DMD: variants seen among roughly 807,000 people sequenced by gnomAD.
DMD encodes mutant dystrophin.
DMD carries 63 observed loss-of-function variants against 330.1 expected under a neutral mutation model. The observed-to-expected ratio is 0.19, with a 90% CI of 0.16 to 0.24. The LOEUF is 0.24. DMD is among the 10% of genes least tolerant of loss of function. The probability of loss-of-function intolerance (pLI) is 1.00; values close to 1 mark genes in which losing one functional copy is unlikely to be tolerated. For synonymous variants in DMD, 1,223 were observed against 959.8 expected (o/e 1.27, Z -5.07); for missense variants, 3,344 against 2,684.1 (o/e 1.25, Z -5.43).
At chrX:32,952,202 C>T (rs1438502428) in intron 2 of DMD, among the ~76,000 whole-genome samples, 2 of 109,351 alleles carry the variant, frequency 1.8e-5, no homozygotes, top group Non-Finnish European at 3.8e-5. Flanking sequence ...GGCACAATCG[C>T]GGTTCACTGC....
At chrX:32,137,676 A>G (rs1484175112) in intron 44 of DMD, among the ~76,000 whole-genome samples, 1 of 110,289 alleles carries the variant, frequency 9.1e-6, no homozygotes, top group African/African-American at 3.3e-5. Context: ...TTACATGGGT[A>G]TGTTGCATGA....
At chrX:31,702,772 G>A (rs1021335466) in intron 52 of DMD, among the ~76,000 whole-genome samples, 2 of 109,995 alleles carry the variant, frequency 1.8e-5, no homozygotes, top group Non-Finnish European at 3.8e-5. Context: ...TGATTCTAAC[G>A]TGCAGCCAGG....
intron 64 of DMD, among the ~76,000 whole-genome samples, chrX:31,222,417 A>AAC (rs2046196808): frequency 2.0e-5 from 2 of 101,475 alleles, no homozygotes; most frequent in South Asian, 4.4e-4. Flanking sequence ...AAAAAAAAAA[A>AAC]CAGAAAAAAA....
chrX:31,375,184 C>T lies in DMD; in HGVS notation c.9085-26550G>A, dbSNP rs889464641. 2.7e-5 allele frequency among the ~76,000 whole-genome samples: 3 copies of T among 112,146 alleles called. No homozygotes were observed. In the Admixed American group the frequency reaches 2.8e-4, roughly 11 times the overall value. On this transcript the variant is annotated intron_variant, in intron 60 of 78. Coordinates refer to ENST00000357033, the MANE Select transcript of DMD (RefSeq NM_004006.3). ...TTTCACAAAACATTTTTGCAACCTC[C>T]AGCATAAATGGGTTAAAGTCTTCAC...
At chrX:31,160,795 T>C (rs1308968785) in intron 74 of DMD, among the ~76,000 whole-genome samples, 1 of 111,790 alleles carries the variant, frequency 8.9e-6, no homozygotes, top group Non-Finnish European at 1.9e-5. Context: ...TGGAGAACTG[T>C]CACCCTATCT....
At chrX:31,868,051 A>G (rs371130774) in intron 48 of DMD, among the ~76,000 whole-genome samples, 10 of 111,621 alleles carry the variant, frequency 9.0e-5, no homozygotes, top group African/African-American at 3.3e-4. Flanking sequence ...AAGTACTACG[A>G]CAGGTACTCT....
intron 1 of DMD, among the ~76,000 whole-genome samples, chrX:33,165,925 C>A (rs1316860964): frequency 9.0e-6 from 1 of 111,341 alleles, no homozygotes. Flanking sequence ...TCTAGTGGAG[C>A]AGTAACTGAG....
chrX:31,238,102 C>T (rs2047913200), intron 63 of DMD, among the ~76,000 whole-genome samples: 1 of 111,880 alleles, frequency 8.9e-6, no homozygotes, highest in South Asian at 3.8e-4. Flanking sequence ...TTTGAAGATT[C>T]AATCCAAGAA....
intron 44 of DMD, among the ~76,000 whole-genome samples, chrX:32,009,970 A>G (rs1280498735): frequency 8.9e-6 from 1 of 111,884 alleles, no homozygotes; most frequent in African/African-American, 3.3e-5. Flanking sequence ...TGATTCCTTC[A>G]TGTACCAATT....
chrX:31,135,262 T>G (rs764013002), intron 76 of DMD, among the ~76,000 whole-genome samples: 64 of 111,929 alleles, frequency 5.7e-4, no homozygotes, highest in African/African-American at 2.0e-3. Context: ...AGAAGGGAGT[T>G]GAGACACTGA....
chrX:32,796,410 G>A (rs532005687), intron 7 of DMD, among the ~76,000 whole-genome samples: 10 of 111,626 alleles, frequency 9.0e-5, no homozygotes, highest in South Asian at 3.7e-4. Flanking sequence ...TGTAAAAAAA[G>A]TTGTTCTCAT....
intron 44 of DMD, among the ~76,000 whole-genome samples, chrX:31,970,132 G>A (rs2095385853): frequency 9.0e-6 from 1 of 111,698 alleles, no homozygotes; most frequent in African/African-American, 3.3e-5. Context: ...GTTTCCTATT[G>A]TTTAGTACAA....
Position 31,753,344 on chromosome X carries a change from A to G in DMD, c.7542+20616T>C, listed in dbSNP as rs374211479. 2.8e-4 allele frequency among the ~76,000 whole-genome samples: 31 copies of G among 112,339 alleles called. No individual in the cohort carries two copies. The South Asian group carries it at 0.011, about 41-fold the overall frequency. ...GAAATCATGAAATACAAACATGTAG[A>G]CAAACAAAGCAGGCAGAAGGAAGTA... On this transcript the variant is annotated intron_variant, in intron 51 of 78. Coordinates refer to ENST00000357033, the MANE Select transcript of DMD (RefSeq NM_004006.3).
At chrX:31,554,081 AT>A (rs751201808) in intron 55 of DMD, among the ~76,000 whole-genome samples, 21 of 112,309 alleles carry the variant, frequency 1.9e-4, no homozygotes, top group African/African-American at 6.5e-4. Context: ...GGGAGCAGAT[AT>A]TTTTTTCAGT....
intron 49 of DMD, among the ~76,000 whole-genome samples, chrX:31,831,872 T>C (rs4995434): frequency 3.6e-5 from 4 of 111,604 alleles, no homozygotes; most frequent in Non-Finnish European, 7.5e-5. Context: ...AAAGTGCTGG[T>C]ATTACAGGCG....
chrX:31,142,080 T>C (rs1327972418), intron 76 of DMD, among the ~76,000 whole-genome samples: 1 of 111,929 alleles, frequency 8.9e-6, no homozygotes, highest in South Asian at 3.8e-4. Context: ...GGAAAGTGCT[T>C]CAGATTAAAG....
chrX:31,892,185 ATT>A (rs1431952364), intron 47 of DMD, among the ~76,000 whole-genome samples: 2 of 112,442 alleles, frequency 1.8e-5, no homozygotes, highest in Admixed American at 9.4e-5. Context: ...ATATCTTTTA[ATT>A]TGCATTCCAA....
At chrX:33,023,752 A>G (rs1358963119) in intron 1 of DMD, among the ~76,000 whole-genome samples, 1 of 111,506 alleles carries the variant, frequency 9.0e-6, no homozygotes, top group Non-Finnish European at 1.9e-5. Context: ...CATGGGCTCC[A>G]TTTGATTATC....
At chrX:32,377,435 T>C (rs1201845322) in intron 34 of DMD, among the ~76,000 whole-genome samples, 1 of 111,867 alleles carries the variant, frequency 8.9e-6, no homozygotes, top group Non-Finnish European at 1.9e-5. Flanking sequence ...TCTTCAATTA[T>C]GCTTGGCACG....
Sources: gnomAD v4.1 joint callset for allele counts (sites outside exome capture counted in the v4.1 genomes callset) on GRCh38, gnomAD v4.1.1 for gene constraint, MANE v1.5 for transcripts, NCBI Gene and HGNC (gene_info 2026-07-23, HGNC 2026-07-21) for gene names.